Variants in ABCA8 observed in about 807,000 individuals in gnomAD.
The protein encoded by ABCA8 is ABC-type organic anion transporter ABCA8.
A neutral mutation model predicts 192.3 loss-of-function variants in ABCA8; 177 were observed. The observed-to-expected ratio is 0.92, with a 90% CI of 0.81 to 1.04. The LOEUF is 1.04. Ranked by LOEUF, ABCA8 falls within the 50% of genes least tolerant of loss-of-function variation. The pLI is 0.00. For synonymous variants in ABCA8, 642 were observed against 690.2 expected, an observed-to-expected ratio of 0.93 and a Z score of 1.09; for missense variants, 1,915 against 1,904.8, an observed-to-expected ratio of 1.01 and a Z score of -0.10.
At chr17:68,879,222 AT>A (rs1225248684) in intron 32 of ABCA8, 2 of 152,356 alleles carry the variant, frequency 1.3e-5, no homozygotes, top group East Asian at 3.9e-4. Context: ...TTGCACAAAA[AT>A]GTATGTTCCA....
At chr17:68,946,827 G>A (rs866485589) in intron 2 of ABCA8, among the ~76,000 whole-genome samples, 3 of 152,004 alleles carry the variant, frequency 2.0e-5, no homozygotes, top group South Asian at 2.1e-4. Context: ...TTCAATCCCC[G>A]CCACTCACGA....
At chr17:68,879,689 G>GA (rs1317207552) in intron 32 of ABCA8, 1 of 152,388 alleles carries the variant, frequency 6.6e-6, no homozygotes, top group African/African-American at 2.4e-5. Flanking sequence ...ATCCTTTACT[G>GA]AATCTCAGGG....
chr17:68,944,316 T>TAATATATATATATA lies in ABCA8; in HGVS notation c.-5-2278_-5-2277insTATATATATATATT, dbSNP rs1226746677. On this transcript the variant is annotated intron_variant, in intron 2 of 39. Coordinates refer to ENST00000586539, the MANE Select transcript of ABCA8 (RefSeq NM_001288985.2). Reference sequence around the variant, plus strand: ...AGCACATGTAGCCCAGAACTTAAAGTTATATATATATATATATATATATAT... The same window carrying TAATATATATATATA: ...AGCACATGTAGCCCAGAACTTAAAGTAATATATATATATATATATATATATATATATATATATAT... Among the ~76,000 whole-genome samples the TAATATATATATATA allele has an allele frequency of 1.0e-3, 30 of 29,280 alleles. 3 individuals are homozygous for TAATATATATATATA. Among genetic ancestry groups the TAATATATATATATA allele is most frequent in the African/African-American group, 1.3e-3 (9 of 7,138 alleles). The allele number at this position is 29,280 out of a possible 152,430, so 19.2% of individuals were successfully genotyped here.
At chr17:68,935,935 T>C (rs75711994) in intron 5 of ABCA8, among the ~76,000 whole-genome samples, 4,249 of 152,306 alleles carry the variant, frequency 0.028, 97 homozygotes, top group South Asian at 0.074. Flanking sequence ...CATTTTCTGA[T>C]AATTAGTGAT....
chr17:68,935,836 C>T (rs1476662586), intron 5 of ABCA8, among the ~76,000 whole-genome samples: 1 of 152,028 alleles, frequency 6.6e-6, no homozygotes, highest in Non-Finnish European at 1.5e-5. Context: ...ATCTTTTCTT[C>T]GCATCTTTGC....
Position 68,887,445 on chromosome 17 carries a change from T to C in ABCA8, c.3206A>G (p.Gln1069Arg), listed in dbSNP as rs768536354. ...GTACAGGGAAACATCCACCAGCGCC[T>C]GCCCAAACCAGTAAGCAGAAGGGGA... ...GLSPSAYWFG[Q>R]ALVDVSLYFL... is the part of the protein sequence containing the mutation. Residue 1069 changes from glutamine (Q) to arginine (R), a missense_variant, in exon 25 of 40, where the codon CAG (glutamine) becomes CGG (arginine). Physicochemically the swap from Gln to Arg is conservative, Grantham distance 43. Coordinates refer to ENST00000586539, the MANE Select transcript of ABCA8 (RefSeq NM_001288985.2). 1 of 1,613,794 alleles carries C rather than the reference T, an allele frequency of 6.2e-7. No homozygotes were observed. Among genetic ancestry groups the C allele is most frequent in the Admixed American group, 1.7e-5 (1 of 59,984 alleles).
intron 17 of ABCA8, 115 bp from the exon 18 acceptor site, chr17:68,907,994 G>A: frequency 9.9e-7 from 1 of 1,005,276 alleles, no homozygotes; most frequent in Non-Finnish European, 1.3e-6. Context: ...TCTAATGCCA[G>A]AAATAGGTCA....
chr17:68,879,429 G>A (rs1405273717), intron 32 of ABCA8: 1 of 152,194 alleles, frequency 6.6e-6, no homozygotes, highest in Non-Finnish European at 1.5e-5. Flanking sequence ...CTCTCTTAAT[G>A]CCTTTAATAA....
chr17:68,880,806 G>A, intron 32 of ABCA8: 1 of 362,818 alleles, frequency 2.8e-6, no homozygotes, highest in Non-Finnish European at 5.1e-6. Flanking sequence ...CAGGCTGGTG[G>A]CATGAACAGA....
chr17:68,904,288 AAGAAAT>A (rs1449652369), intron 19 of ABCA8, among the ~76,000 whole-genome samples: 2 of 117,852 alleles, frequency 1.7e-5, no homozygotes, highest in Non-Finnish European at 3.5e-5. Flanking sequence ...TCTCAAAAAA[AAGAAAT>A]AATAATAATA....
chr17:68,945,875 A>G (rs971586885), intron 2 of ABCA8, among the ~76,000 whole-genome samples: 1 of 152,086 alleles, frequency 6.6e-6, no homozygotes, highest in African/African-American at 2.4e-5. Context: ...CTAGTTTTCA[A>G]TTAATCTCTT....
At position 68,932,503 on chromosome 17, in the gene ABCA8, A is replaced by G; in HGVS notation, c.582T>C (p.Asn194=). 1 of 1,611,646 alleles carries G rather than the reference A, an allele frequency of 6.2e-7. No homozygotes were observed. The highest frequency in any genetic ancestry group is 8.5e-7 in the Non-Finnish European group (1 of 1,177,816). ...INAAIIEITT[N]HSVMEELMSV... Reference sequence around the variant, plus strand: ...ACATCAGCTCCTCCATCACTGAGTGATTTGTTGTGATCTGAAGAAAGGCAT... The same window carrying G: ...ACATCAGCTCCTCCATCACTGAGTGGTTTGTTGTGATCTGAAGAAAGGCAT... The change falls in exon 7 of 40, where the codon AAT becomes AAC. Residue 194 remains asparagine (N), a synonymous_variant. Transcript: ENST00000586539.
chr17:68,891,380 G>A, intron 24 of ABCA8, 109 bp downstream of exon 24: 1 of 666,220 alleles, frequency 1.5e-6, no homozygotes. Flanking sequence ...ATTTATGTCT[G>A]AATTGGCTGT....
chr17:68,876,588 T>C lies in ABCA8; in HGVS notation c.4276-34A>G, dbSNP rs528123327. ...GGAGGAACAGCCCATCTGGTTCCCA[T>C]CTATGGCACTTGCAGAGCAACACCA... On this transcript the variant is annotated intron_variant, in intron 34 of 39. Coordinates refer to ENST00000586539, the MANE Select transcript of ABCA8 (RefSeq NM_001288985.2). The C allele has an allele frequency of 4.3e-6, 7 of 1,614,130 alleles. No individual in the cohort carries two copies. The African/African-American group carries it at 8.0e-5, about 18-fold the overall frequency.
At chr17:68,913,322 C>T (rs997436066) in intron 17 of ABCA8, among the ~76,000 whole-genome samples, 46 of 151,798 alleles carry the variant, frequency 3.0e-4, no homozygotes, top group East Asian at 5.8e-4. Flanking sequence ...AACAACCTAA[C>T]GACACTTCTT....
chr17:68,884,288 T>C (rs749230584), intron 28 of ABCA8, 43 bp downstream of exon 28: 21 of 1,496,516 alleles, frequency 1.4e-5, no homozygotes, highest in East Asian at 9.6e-5. Flanking sequence ...AATTATTAAA[T>C]TTAGTAAAAA....
At chr17:68,946,224 T>C (rs985934890) in intron 2 of ABCA8, among the ~76,000 whole-genome samples, 1 of 152,026 alleles carries the variant, frequency 6.6e-6, no homozygotes, top group East Asian at 1.9e-4. Flanking sequence ...CCCACCACCA[T>C]GCCCAGCTAA....
At chr17:68,869,537 TCC>T (rs1322764118) in intron 38 of ABCA8, among the ~76,000 whole-genome samples, 161 bp downstream of exon 38, 1 of 152,122 alleles carries the variant, frequency 6.6e-6, no homozygotes, top group Non-Finnish European at 1.5e-5. Context: ...ACACAGAGAA[TCC>T]CTCTATCTCC....
Position 68,887,360 on chromosome 17 carries a change from T to G in ABCA8, c.3291A>C (p.Leu1097=). Residue 1097 remains leucine, a synonymous_variant, in exon 25 of 40, where the codon CTA becomes CTC. Transcript: ENST00000586539. ...CTTGAATAATATGAATTATTGTAAG[T>G]AGCATGTCTTCGAAGTTTGAAATGT... is the stretch of plus-strand genomic sequence containing the variant. ...MSYISNFEDM[L]LTIIHIIQIP... The G allele has an allele frequency of 6.2e-7, 1 of 1,609,346 alleles. No individual in the cohort carries two copies. The highest frequency in any genetic ancestry group is 1.1e-5 in the South Asian group (1 of 90,210).
Sources: gnomAD v4.1 joint callset for allele counts (sites outside exome capture counted in the v4.1 genomes callset) on GRCh38, gnomAD v4.1.1 for gene constraint, MANE v1.5 for transcripts, NCBI Gene and HGNC (gene_info 2026-07-23, HGNC 2026-07-21) for gene names.